Variants in ITPR1 observed in about 807,000 individuals in gnomAD.
The protein encoded by ITPR1 is inositol 1,4,5-trisphosphate receptor type 1.
In ITPR1, 96 loss-of-function variants were observed where a neutral mutation model predicts 318.4. That is an observed-to-expected ratio of 0.30 (90% CI 0.26 to 0.36). The LOEUF (loss-of-function observed/expected upper bound fraction) is 0.36, where lower values mean the gene tolerates loss of function less well. ITPR1 is among the 10% of genes least tolerant of loss of function. ITPR1 has a pLI of 1.00. For missense variants in ITPR1, 2,440 were observed against 3,460.2 expected, an observed-to-expected ratio of 0.71 and a Z score of 7.40; for synonymous variants, 1,312 against 1,289.9, an observed-to-expected ratio of 1.02 and a Z score of -0.37.
At chr3:4,534,003 C>T (rs540500779) in intron 4 of ITPR1, among the ~76,000 whole-genome samples, 13 of 152,336 alleles carry the variant, frequency 8.5e-5, no homozygotes, top group African/African-American at 2.9e-4. Flanking sequence ...CTGCCCCCAA[C>T]GTGCTCCTTG....
chr3:4,795,027 G>A, intron 52 of ITPR1, 38 bp from the exon 53 acceptor site: 1 of 1,565,896 alleles, frequency 6.4e-7, no homozygotes, highest in Non-Finnish European at 8.7e-7. Context: ...CCGGCTTGGG[G>A]TCTCCAGCCT....
intron 4 of ITPR1, among the ~76,000 whole-genome samples, chr3:4,564,510 C>T (rs1032774539): frequency 2.6e-5 from 4 of 152,184 alleles, no homozygotes; most frequent in Admixed American, 1.3e-4. Context: ...AAATGAGTCA[C>T]GTTCTGCATG....
intron 4 of ITPR1, among the ~76,000 whole-genome samples, chr3:4,611,945 A>AC (rs34324750): frequency 0.15 from 23,182 of 152,070 alleles, 1,855 homozygotes; most frequent in African/African-American, 0.2. Flanking sequence ...TGAAGGTTCC[A>AC]ATCCACAGAT....
chr3:4,744,474 A>C (rs2043934864), intron 44 of ITPR1, among the ~76,000 whole-genome samples: 1 of 152,208 alleles, frequency 6.6e-6, no homozygotes, highest in African/African-American at 2.4e-5. Context: ...GGAAAAATCC[A>C]GACAGCTGCC....
At chr3:4,825,753 CAA>C (rs2050031632) in intron 60 of ITPR1, 1 of 456,738 alleles carries the variant, frequency 2.2e-6, no homozygotes, top group African/African-American at 2.0e-5. Flanking sequence ...TACCTTGACC[CAA>C]GAGAGAGCCT....
chr3:4,624,342 C>G (rs890481551), intron 4 of ITPR1, among the ~76,000 whole-genome samples: 2 of 152,144 alleles, frequency 1.3e-5, no homozygotes, highest in African/African-American at 4.8e-5. Context: ...ATTAAGGAAG[C>G]CATTCTGGCC....
In ITPR1 at chr3:4,813,133, C is replaced by T. The variant is rs1431359422; in HGVS notation, c.7469-9C>T. 6.2e-7 allele frequency: 1 copy of T among 1,612,920 alleles called. No homozygotes were observed. On this transcript the variant is annotated splice_polypyrimidine_tract_variant and intron_variant, in intron 56 of 61. Transcript: ENST00000649015. The stretch of plus-strand genomic sequence containing the variant: ...ATTGTTCATCATAAAATTTCCTTCT[C>T]TCTCCCAGAAACCGGCGAGAGTTTG...
At chr3:4,599,407 A>G (rs955763753) in intron 4 of ITPR1, among the ~76,000 whole-genome samples, 1 of 152,244 alleles carries the variant, frequency 6.6e-6, no homozygotes, top group African/African-American at 2.4e-5. Context: ...CATAAAAAAC[A>G]AATTTCTGGC....
intron 14 of ITPR1, among the ~76,000 whole-genome samples, chr3:4,661,508 C>T (rs916231292): frequency 6.6e-6 from 1 of 152,184 alleles, no homozygotes; most frequent in African/African-American, 2.4e-5. Flanking sequence ...TCTCCAGCCC[C>T]TTTACTTTCT....
Position 4,509,182 on chromosome 3 carries a change from G to C in ITPR1, c.-16-7294G>C, listed in dbSNP as rs565662990. On this transcript the variant is annotated intron_variant, in intron 2 of 61. Coordinates refer to ENST00000649015, the MANE Select transcript of ITPR1 (RefSeq NM_001378452.1). ...AGGTTGCCCCCTTTTTTACAGATAA[G>C]AGAGCTGAGGTTCAGAGAAGTTATG... Among the ~76,000 whole-genome samples the C allele has an allele frequency of 7.2e-5, 11 of 152,242 alleles. No homozygotes were observed. The South Asian group carries it at 2.3e-3, about 32-fold the overall frequency.
intron 4 of ITPR1, among the ~76,000 whole-genome samples, chr3:4,596,489 G>T (rs537691339): frequency 7.2e-5 from 11 of 152,170 alleles, no homozygotes. Context: ...TAGCACGGTT[G>T]GAACATGGGG....
intron 4 of ITPR1, among the ~76,000 whole-genome samples, chr3:4,535,691 C>A (rs951863596): frequency 6.6e-6 from 1 of 151,850 alleles, no homozygotes; most frequent in Non-Finnish European, 1.5e-5. Flanking sequence ...GTGATCCACC[C>A]GCCTCGGCCT....
intron 4 of ITPR1, among the ~76,000 whole-genome samples, chr3:4,619,458 C>G (rs2092511074): frequency 6.6e-6 from 1 of 150,736 alleles, no homozygotes; most frequent in South Asian, 2.1e-4. Flanking sequence ...TTCCTCCTTT[C>G]TTCTTTCCTT....
chr3:4,586,441 A>G (rs1449301735), intron 4 of ITPR1, among the ~76,000 whole-genome samples: 1 of 151,586 alleles, frequency 6.6e-6, no homozygotes, highest in African/African-American at 2.4e-5. Flanking sequence ...AAACGGCCTA[A>G]CTGCTTTGCT....
At chr3:4,769,814 A>C (rs947664022) in intron 46 of ITPR1, among the ~76,000 whole-genome samples, 1 of 152,220 alleles carries the variant, frequency 6.6e-6, no homozygotes, top group African/African-American at 2.4e-5. Flanking sequence ...AAAGTTTCCC[A>C]GCAGCAGGAG....
At position 4,680,687 on chromosome 3, in the gene ITPR1, A is replaced by G. The variant is rs544453839; in HGVS notation, c.3102A>G (p.Val1034=). 6.2e-7 allele frequency: 1 copy of G among 1,609,676 alleles called. No individual in the cohort carries two copies. Among genetic ancestry groups the G allele is most frequent in the Non-Finnish European group, 8.5e-7 (1 of 1,177,708 alleles). ...GCAGCCAAGAAGGGCCAAGTAATGT[A>G]CCAGGTTAGTGATTCAGAATGGAAT... is the stretch of plus-strand genomic sequence containing the variant. The part of the protein sequence containing the change: ...GNSSQEGPSN[V]PGALDFEHIE... Residue 1034 remains valine, a synonymous_variant, in exon 25 of 62, where the codon GTA becomes GTG. Coordinates refer to ENST00000649015, the MANE Select transcript of ITPR1 (RefSeq NM_001378452.1).
chr3:4,498,162 T>C (rs2080744803), intron 2 of ITPR1, among the ~76,000 whole-genome samples: 1 of 152,220 alleles, frequency 6.6e-6, no homozygotes, highest in Admixed American at 6.5e-5. Context: ...TTAGTGCCAC[T>C]GAGTTATAAC....
chr3:4,706,807 C>T (rs2094767703), intron 37 of ITPR1, among the ~76,000 whole-genome samples: 1 of 152,188 alleles, frequency 6.6e-6, no homozygotes, highest in Non-Finnish European at 1.5e-5. Context: ...AGATTATTTA[C>T]CTTTTTTCGT....
intron 54 of ITPR1, 22 bp from the exon 55 acceptor site, chr3:4,806,081 C>G (rs2048535263): frequency 6.2e-7 from 1 of 1,605,390 alleles, no homozygotes; most frequent in East Asian, 2.2e-5. Flanking sequence ...TGCCATCTGA[C>G]TGTTCCTGTC....
Sources: gnomAD v4.1 joint callset for allele counts (sites outside exome capture counted in the v4.1 genomes callset) on GRCh38, gnomAD v4.1.1 for gene constraint, MANE v1.5 for transcripts, NCBI Gene and HGNC (gene_info 2026-07-23, HGNC 2026-07-21) for gene names.